The following C9 variants were observed in gnomAD, a reference collection of about 807,000 sequenced individuals.
C9 encodes the protein complement C9.
In C9, 63 loss-of-function variants were observed where a neutral mutation model predicts 65.4. The observed-to-expected ratio is 0.96, with a 90% CI of 0.79 to 1.19. The LOEUF is 1.19. C9 is among the 50% of genes most tolerant of loss of function. The pLI, the probability that C9 is intolerant of heterozygous loss-of-function variation, is 0.00. For missense variants in C9, 744 were observed against 670.1 expected (o/e 1.11, Z -1.22); for synonymous variants, 229 against 227.9 (o/e 1.00, Z -0.04).
chr5:39,319,413 C>G (rs1753628122), intron 5 of C9, among the ~76,000 whole-genome samples: 1 of 152,046 alleles, frequency 6.6e-6, no homozygotes, highest in Non-Finnish European at 1.5e-5. Flanking sequence ...AAGTTTCCAG[C>G]CTCAACTCAG....
intron 1 of C9, among the ~76,000 whole-genome samples, chr5:39,344,243 C>T (rs79608016): frequency 9.2e-5 from 14 of 152,186 alleles, no homozygotes; most frequent in Middle Eastern, 6.8e-3. Context: ...GGAGGAAGTT[C>T]GAACCCAATG....
In C9 at chr5:39,284,417, G is replaced by C. The variant is rs563570916; in HGVS notation, c.*782C>G. 1.3e-5 allele frequency: 2 copies of C among 152,224 alleles called. No individual in the cohort carries two copies. Among genetic ancestry groups the C allele is most frequent in the South Asian group, 4.1e-4 (2 of 4,822 alleles). The allele number at this position is 152,224 out of a possible 1,614,324, so 9.4% of individuals were successfully genotyped here. On this transcript the variant is annotated 3_prime_UTR_variant, in exon 11 of 11. Transcript: ENST00000263408. ...TACCTTATACAACTCATAAGGCTAG[G>C]TATTAAGTTGGACTATATAAAATTG...
chr5:39,334,566 TG>T (rs1333255321), intron 4 of C9, among the ~76,000 whole-genome samples: 2 of 125,870 alleles, frequency 1.6e-5, no homozygotes, highest in African/African-American at 7.7e-5. Context: ...GGGAGGGAGG[TG>T]GGGGGGTCAG....
intron 10 of C9, among the ~76,000 whole-genome samples, chr5:39,287,627 A>G (rs956784394): frequency 2.0e-5 from 3 of 152,092 alleles, no homozygotes; most frequent in African/African-American, 7.2e-5. Context: ...TATGTACCAT[A>G]GAATATTATT....
intron 8 of C9, among the ~76,000 whole-genome samples, chr5:39,308,023 T>C (rs1753411240): frequency 6.6e-6 from 1 of 152,212 alleles, no homozygotes; most frequent in Non-Finnish European, 1.5e-5. Flanking sequence ...TTGAGTTGTG[T>C]ACTGTACAAC....
intron 1 of C9, among the ~76,000 whole-genome samples, chr5:39,353,953 G>A (rs753977235): frequency 2.0e-5 from 3 of 152,144 alleles, no homozygotes; most frequent in African/African-American, 7.2e-5. Flanking sequence ...TCTCTCTAGG[G>A]TGTGATCTCC....
intron 5 of C9, among the ~76,000 whole-genome samples, chr5:39,319,585 C>T (rs138263713): frequency 9.6e-4 from 146 of 152,280 alleles, no homozygotes; most frequent in African/African-American, 3.1e-3. Flanking sequence ...GCACCTGGGA[C>T]TCAGTCTCAA....
intron 1 of C9, among the ~76,000 whole-genome samples, 186 bp downstream of exon 1, chr5:39,364,202 A>G (rs143302377): frequency 6.6e-6 from 1 of 152,290 alleles, no homozygotes; most frequent in Non-Finnish European, 1.5e-5. Flanking sequence ...ACAGCAGCAC[A>G]TTTCCACAGA....
chr5:39,349,633 A>C (rs1754285275), intron 1 of C9, among the ~76,000 whole-genome samples: 1 of 152,048 alleles, frequency 6.6e-6, no homozygotes, highest in African/African-American at 2.4e-5. Context: ...AACACTTCTC[A>C]ACCCTCCTGC....
rs140284125 is a variant in C9 at position 39,326,939 on chromosome 5, A to AT, written c.615+4736dup. Among the ~76,000 whole-genome samples the AT allele has an allele frequency of 3.4e-3, 519 of 152,266 alleles. 3 individuals carry two copies. Among genetic ancestry groups the AT allele is most frequent in the African/African-American group, 0.011 (474 of 41,554 alleles). ...TTACAGTGTTAATATGCTGGCATGA[A>AT]TTTTTTATTCATTCAATAGGCATTT... On this transcript the variant is annotated intron_variant, in intron 5 of 10. Transcript: ENST00000263408.
intron 5 of C9, among the ~76,000 whole-genome samples, chr5:39,331,414 GT>G (rs2111928663): frequency 6.6e-6 from 1 of 152,206 alleles, no homozygotes; most frequent in South Asian, 2.1e-4. Flanking sequence ...TTAATTTTTA[GT>G]TATGTTAGAT....
intron 1 of C9, among the ~76,000 whole-genome samples, chr5:39,348,620 T>C (rs1169890516): frequency 6.6e-6 from 1 of 152,182 alleles, no homozygotes; most frequent in Non-Finnish European, 1.5e-5. Flanking sequence ...TGGCGATTCC[T>C]CAGGGATCTA....
At position 39,288,779 on chromosome 5, in the gene C9, C is replaced by T; in HGVS notation, c.1589G>A (p.Cys530Tyr). Residue 530 changes from cysteine (C) to tyrosine (Y), a missense_variant, in exon 10 of 11, where the codon TGC becomes TAC. Physicochemically the swap from Cys to Tyr is radical, Grantham distance 194. Coordinates refer to ENST00000263408, the MANE Select transcript of C9 (RefSeq NM_001737.5). ...GGCAATTCCCTCAAATTTGAATGGGCAGGCACACAAACACTTTCCATCCAT... is the reference window on the plus strand; with the variant it reads ...GGCAATTCCCTCAAATTTGAATGGGTAGGCACACAAACACTTTCCATCCAT... ...ILMDGKCLCA[C>Y]PFKFEGIACE... 1 of 1,612,408 alleles carries T rather than the reference C, an allele frequency of 6.2e-7. No homozygotes were observed. Among genetic ancestry groups the T allele is most frequent in the Non-Finnish European group, 8.5e-7 (1 of 1,178,888 alleles).
At position 39,318,263 on chromosome 5, in the gene C9, GTT is replaced by G. The variant is rs1753606694; in HGVS notation, c.616-2236_616-2235del. On this transcript the variant is annotated intron_variant, in intron 5 of 10. Coordinates refer to ENST00000263408, the MANE Select transcript of C9 (RefSeq NM_001737.5). ...GAAGCCTCTGGGCTGAGACAACGGG[GTT>G]TTCTAAATATAGGATCATGTCATCT... Among the ~76,000 whole-genome samples, 6 of 152,090 alleles carry G rather than the reference GTT, an allele frequency of 3.9e-5. No homozygotes were observed. In the South Asian group the frequency reaches 1.2e-3, roughly 31 times the overall value.
At chr5:39,339,979 A>T (rs1203870921) in intron 4 of C9, among the ~76,000 whole-genome samples, 2 of 152,024 alleles carry the variant, frequency 1.3e-5, no homozygotes, top group East Asian at 3.9e-4. Context: ...GCTGGGGGAA[A>T]AATTACCACT....
chr5:39,307,186 T>A (rs9292736), intron 8 of C9, among the ~76,000 whole-genome samples: 4,511 of 152,238 alleles, frequency 0.03, 206 homozygotes, highest in African/African-American at 0.1. Flanking sequence ...GTTTTAATAT[T>A]ACAAAAAGAA....
Position 39,311,218 on chromosome 5 carries a change from T to C in C9, c.1030A>G (p.Thr344Ala), listed in dbSNP as rs773133139. 9.3e-6 allele frequency: 15 copies of C among 1,613,382 alleles called. No homozygotes were observed. Among genetic ancestry groups the C allele is most frequent in the Non-Finnish European group, 1.0e-5 (12 of 1,179,356 alleles). ...EYFAFLETYG[T>A]HYSSSGSLGG... The stretch of plus-strand genomic sequence containing the variant: ...AGAGACCCAGAGCTACTGTAGTGAG[T>C]TCCATAGGTTTCCAAAAAGGCAAAA... Residue 344 changes from threonine to alanine, a missense_variant, in exon 7 of 11, where the codon ACT becomes GCT. Coordinates refer to ENST00000263408, the MANE Select transcript of C9 (RefSeq NM_001737.5).
intron 4 of C9, among the ~76,000 whole-genome samples, chr5:39,334,665 C>G (rs559238623): frequency 6.6e-6 from 1 of 150,966 alleles, no homozygotes; most frequent in African/African-American, 2.5e-5. Context: ...CCCCTCTGCC[C>G]GGCCAGCCGC....
intron 5 of C9, among the ~76,000 whole-genome samples, chr5:39,320,066 T>G (rs1047256261): frequency 6.6e-5 from 10 of 152,204 alleles, no homozygotes; most frequent in African/African-American, 1.7e-4. Context: ...AGTGCTTACT[T>G]CTTCAAAGGC....
Sources: gnomAD v4.1 joint callset for allele counts (sites outside exome capture counted in the v4.1 genomes callset) on GRCh38, gnomAD v4.1.1 for gene constraint, MANE v1.5 for transcripts, NCBI Gene and HGNC (gene_info 2026-07-23, HGNC 2026-07-21) for gene names.